Variants in CDH18 observed in about 807,000 individuals in gnomAD.
CDH18 encodes cadherin-18.
CDH18 carries 31 observed loss-of-function variants against 67.9 expected under a neutral mutation model. The ratio of observed to expected loss-of-function variants is 0.46; its 90% CI spans 0.34 to 0.62. CDH18 has a LOEUF of 0.62. Ranked by LOEUF, CDH18 falls within the 20% of genes least tolerant of loss-of-function variation. CDH18 has a pLI of 0.01. For missense variants in CDH18, 890 were observed against 975.5 expected (o/e 0.91, Z 1.17); for synonymous variants, 362 against 347.2 (o/e 1.04, Z -0.48).
Position 19,968,344 on chromosome 5 carries a change from T to C in CDH18, c.-257+12716A>G, listed in dbSNP as rs190073082. On this transcript the variant is annotated intron_variant, in intron 2 of 12. Transcript: ENST00000382275. ...TTCACAGAATTGAAAAAAAATTACT[T>C]TAAAGTTCATATGGAACCAAAAAAG... 2.0e-3 allele frequency among the ~76,000 whole-genome samples: 311 copies of C among 152,226 alleles called. 2 individuals are homozygous for C. Among genetic ancestry groups the C allele is most frequent in the African/African-American group, 7.0e-3 (291 of 41,540 alleles).
At chr5:20,433,903 A>C (rs888242450) in intron 1 of CDH18, among the ~76,000 whole-genome samples, 1 of 152,132 alleles carries the variant, frequency 6.6e-6, no homozygotes, top group Admixed American at 6.6e-5. Flanking sequence ...CTCTTGTACT[A>C]TAAAAGCTGA....
intron 1 of CDH18, among the ~76,000 whole-genome samples, chr5:20,542,025 A>G (rs557173976): frequency 7.2e-5 from 11 of 152,240 alleles, no homozygotes; most frequent in African/African-American, 2.2e-4. Flanking sequence ...GGCTCACTGC[A>G]ACCTCAGCCT....
At chr5:20,563,042 A>G (rs906762145) in intron 1 of CDH18, among the ~76,000 whole-genome samples, 2 of 150,992 alleles carry the variant, frequency 1.3e-5, no homozygotes, top group African/African-American at 2.4e-5. Context: ...ATTTTTTTCC[A>G]TAACACATGA....
rs535295006 is a variant in CDH18, at chr5:19,836,364, C to T, written c.228+2395G>A. 2.6e-4 allele frequency among the ~76,000 whole-genome samples: 39 copies of T among 152,264 alleles called. 2 individuals carry two copies. The highest frequency in any genetic ancestry group is 3.4e-3 in the Middle Eastern group (1 of 294). On this transcript the variant is annotated intron_variant, in intron 3 of 12. Transcript: ENST00000382275. ...GACTTTTTAATGACCGCCATTCTAC[C>T]TGGCATTAGATGGTATTTCACTGTG...
At chr5:19,623,681 G>T (rs558152291) in intron 5 of CDH18, among the ~76,000 whole-genome samples, 33 of 151,704 alleles carry the variant, frequency 2.2e-4, no homozygotes, top group South Asian at 6.2e-4. Context: ...TAGAGAAAGG[G>T]TATTTAATAT....
intron 1 of CDH18, among the ~76,000 whole-genome samples, chr5:20,490,747 T>G (rs996124019): frequency 2.6e-5 from 4 of 152,152 alleles, no homozygotes; most frequent in African/African-American, 9.7e-5. Flanking sequence ...ATTTTATTCT[T>G]TATGATGCAA....
intron 1 of CDH18, among the ~76,000 whole-genome samples, chr5:20,389,259 A>T (rs1744603776): frequency 6.6e-6 from 1 of 152,192 alleles, no homozygotes; most frequent in Non-Finnish European, 1.5e-5. Context: ...ATATATATTC[A>T]GGATAGTTAG....
intron 1 of CDH18, among the ~76,000 whole-genome samples, chr5:20,500,303 G>C (rs146573549): frequency 1.3e-4 from 20 of 152,198 alleles, no homozygotes; most frequent in Admixed American, 1.3e-4. Context: ...ATTATAATAT[G>C]AATTTTAGGA....
intron 5 of CDH18, among the ~76,000 whole-genome samples, chr5:19,651,637 T>C (rs1182742798): frequency 1.3e-5 from 2 of 152,080 alleles, no homozygotes; most frequent in Non-Finnish European, 2.9e-5. Context: ...GATAAAATTT[T>C]CCTTGCTTCC....
chr5:20,044,183 AAC>A (rs1300782649), intron 2 of CDH18, among the ~76,000 whole-genome samples: 1 of 152,126 alleles, frequency 6.6e-6, no homozygotes, highest in Non-Finnish European at 1.5e-5. Context: ...TTAAAAAAAA[AAC>A]AGAGCAAACA....
intron 1 of CDH18, among the ~76,000 whole-genome samples, chr5:20,468,892 A>G (rs956558105): frequency 3.3e-5 from 5 of 152,238 alleles, no homozygotes; most frequent in African/African-American, 1.2e-4. Flanking sequence ...TAAATTTAAA[A>G]TACATTAATC....
chr5:19,479,698 T>C (rs1327883407), intron 12 of CDH18, among the ~76,000 whole-genome samples: 1 of 152,156 alleles, frequency 6.6e-6, no homozygotes, highest in Non-Finnish European at 1.5e-5. Context: ...GAGCAGTCCA[T>C]GCCTCACTTA....
intron 1 of CDH18, among the ~76,000 whole-genome samples, chr5:20,290,687 G>T (rs1747039183): frequency 6.6e-6 from 1 of 152,148 alleles, no homozygotes; most frequent in Non-Finnish European, 1.5e-5. Flanking sequence ...GACAGTCCAA[G>T]CAAAGGTGAT....
At chr5:20,333,528 T>TACACAC (rs10658368) in intron 1 of CDH18, among the ~76,000 whole-genome samples, 51 of 136,846 alleles carry the variant, frequency 3.7e-4, no homozygotes, top group African/African-American at 1.2e-3. Flanking sequence ...ACAATATATA[T>TACACAC]ACACACACAC....
At chr5:19,622,773 T>C (rs1413508010) in intron 5 of CDH18, among the ~76,000 whole-genome samples, 4 of 152,068 alleles carry the variant, frequency 2.6e-5, no homozygotes, top group Non-Finnish European at 5.9e-5. Flanking sequence ...ACTGCACCCA[T>C]CCTTGAACTT....
intron 3 of CDH18, among the ~76,000 whole-genome samples, chr5:19,824,030 T>C (rs769986110): frequency 1.1e-4 from 16 of 149,874 alleles, no homozygotes; most frequent in Middle Eastern, 3.4e-3. Context: ...CTAGGGGAAA[T>C]AGAAATACAA....
intron 5 of CDH18, among the ~76,000 whole-genome samples, chr5:19,636,099 A>ATATTTATATAG (rs1175166099): frequency 6.6e-6 from 1 of 152,152 alleles, no homozygotes; most frequent in East Asian, 1.9e-4. Context: ...CCCTCCCCTG[A>ATATTTATATAG]TATTTATATA....
intron 1 of CDH18, among the ~76,000 whole-genome samples, chr5:20,508,607 A>T (rs1347708855): frequency 1.3e-5 from 2 of 151,632 alleles, no homozygotes; most frequent in African/African-American, 4.8e-5. Flanking sequence ...ACCTCTCAGG[A>T]GGTAAAGAAA....
At chr5:20,161,718 G>A (rs1055901421) in intron 2 of CDH18, among the ~76,000 whole-genome samples, 2 of 152,036 alleles carry the variant, frequency 1.3e-5, no homozygotes, top group Non-Finnish European at 2.9e-5. Flanking sequence ...TTCCTTGTGT[G>A]TTTTGTGATT....
Sources: allele counts gnomAD v4.1 joint callset (sites outside exome capture counted in the v4.1 genomes callset), GRCh38; gene constraint gnomAD v4.1.1; transcripts MANE v1.5; gene names NCBI Gene and HGNC (gene_info 2026-07-23, HGNC 2026-07-21).